The following CDK19 variants were observed in gnomAD, a reference collection of about 807,000 sequenced individuals.
CDK19 encodes cyclin-dependent kinase 19.
A neutral mutation model predicts 68.3 loss-of-function variants in CDK19; 20 were observed. The observed-to-expected ratio is 0.29, with a 90% CI of 0.21 to 0.43. CDK19 has a LOEUF of 0.43. CDK19 is among the 20% of genes least tolerant of loss of function. The pLI, the probability that CDK19 is intolerant of heterozygous loss-of-function variation, is 1.00. For missense variants in CDK19, 339 were observed against 623.5 expected (o/e 0.54, Z 4.86); for synonymous variants, 221 against 222.8 (o/e 0.99, Z 0.07).
intron 1 of CDK19, among the ~76,000 whole-genome samples, chr6:110,754,243 G>C (rs1778681643): frequency 6.6e-6 from 1 of 151,636 alleles, no homozygotes; most frequent in Non-Finnish European, 1.5e-5. Context: ...ATGTTACCCA[G>C]GTTGATCTCA....
intron 2 of CDK19, among the ~76,000 whole-genome samples, chr6:110,714,187 T>C (rs1011328566): frequency 1.1e-4 from 16 of 152,232 alleles, no homozygotes; most frequent in Non-Finnish European, 1.9e-4. Flanking sequence ...CTATACAATA[T>C]ATAGCTCTTG....
intron 1 of CDK19, among the ~76,000 whole-genome samples, chr6:110,764,952 AAAAT>A (rs57218365): frequency 3.5e-4 from 50 of 141,096 alleles, no homozygotes; most frequent in East Asian, 2.3e-3. Flanking sequence ...CTCCATCTCA[AAAAT>A]AAATAAATAA....
chr6:110,808,543 A>G (rs1583150582), intron 1 of CDK19, among the ~76,000 whole-genome samples: 1 of 152,218 alleles, frequency 6.6e-6, no homozygotes, highest in East Asian at 1.9e-4. Context: ...AGTATCTGCC[A>G]GAAAAAGTTT....
At chr6:110,622,573 T>C (rs898742196) in intron 10 of CDK19, among the ~76,000 whole-genome samples, 2 of 152,238 alleles carry the variant, frequency 1.3e-5, no homozygotes, top group African/African-American at 4.8e-5. Flanking sequence ...AGGTCTTATC[T>C]GTTATCAGCT....
At chr6:110,808,885 A>G (rs771529461) in intron 1 of CDK19, among the ~76,000 whole-genome samples, 1 of 152,094 alleles carries the variant, frequency 6.6e-6, no homozygotes, top group Non-Finnish European at 1.5e-5. Context: ...AAATATGCCT[A>G]TTTTCCTTAG....
At chr6:110,769,961 T>C (rs1779893828) in intron 1 of CDK19, among the ~76,000 whole-genome samples, 1 of 151,960 alleles carries the variant, frequency 6.6e-6, no homozygotes, top group Non-Finnish European at 1.5e-5. Flanking sequence ...AAAGAGAAAA[T>C]ATCCTCAAAA....
At chr6:110,650,606 G>A (rs9487475) in intron 4 of CDK19, among the ~76,000 whole-genome samples, 2,113 of 152,276 alleles carry the variant, frequency 0.014, 51 homozygotes, top group African/African-American at 0.048. Context: ...ATTCTTCGGA[G>A]AAAGCCTCTT....
At chr6:110,640,710 G>C (rs1780091313) in intron 4 of CDK19, among the ~76,000 whole-genome samples, 1 of 152,166 alleles carries the variant, frequency 6.6e-6, no homozygotes, top group African/African-American at 2.4e-5. Flanking sequence ...CAGCACTTTG[G>C]GAAGTCGAAG....
chr6:110,658,069 A>G (rs1781412498), intron 4 of CDK19, among the ~76,000 whole-genome samples: 1 of 152,254 alleles, frequency 6.6e-6, no homozygotes, highest in African/African-American at 2.4e-5. Context: ...TTACACATGT[A>G]AGGTGTGTGT....
chr6:110,733,786 A>T (rs1353469218), intron 2 of CDK19, among the ~76,000 whole-genome samples: 1 of 152,078 alleles, frequency 6.6e-6, no homozygotes, highest in Non-Finnish European at 1.5e-5. Flanking sequence ...CCCATATGCA[A>T]CTATTAACTT....
chr6:110,706,565 C>T (rs1379677340), intron 2 of CDK19, among the ~76,000 whole-genome samples: 1 of 151,696 alleles, frequency 6.6e-6, no homozygotes, highest in African/African-American at 2.4e-5. Context: ...CAGGCGCCTG[C>T]CACCACGCCC....
intron 2 of CDK19, among the ~76,000 whole-genome samples, chr6:110,742,852 T>G (rs922790993): frequency 1.3e-5 from 2 of 152,166 alleles, no homozygotes; most frequent in Admixed American, 6.5e-5. Flanking sequence ...TAGACCCTCA[T>G]CAGTAATTCT....
chr6:110,726,722 A>G (rs1562236928), intron 2 of CDK19, among the ~76,000 whole-genome samples: 1 of 152,190 alleles, frequency 6.6e-6, no homozygotes, highest in Non-Finnish European at 1.5e-5. Context: ...AACCTGGCCT[A>G]CAGAGAGCTG....
At chr6:110,747,188 A>G (rs1466754363) in intron 1 of CDK19, among the ~76,000 whole-genome samples, 1 of 151,996 alleles carries the variant, frequency 6.6e-6, no homozygotes, top group African/African-American at 2.4e-5. Context: ...GCTATTCCTC[A>G]TTTTCCCCAT....
chr6:110,689,054 T>G (rs1227992942), intron 2 of CDK19, among the ~76,000 whole-genome samples: 2 of 152,120 alleles, frequency 1.3e-5, no homozygotes, highest in Non-Finnish European at 2.9e-5. Context: ...CTTAGCTCAT[T>G]GCTGCTAGCA....
At chr6:110,800,720 C>T (rs2115110164) in intron 1 of CDK19, among the ~76,000 whole-genome samples, 1 of 152,224 alleles carries the variant, frequency 6.6e-6, no homozygotes, top group Middle Eastern at 3.4e-3. Context: ...TCTCAATTGG[C>T]ACAGAAAAAG....
chr6:110,705,291 C>T (rs1169577659), intron 2 of CDK19, among the ~76,000 whole-genome samples: 1 of 152,138 alleles, frequency 6.6e-6, no homozygotes, highest in Non-Finnish European at 1.5e-5. Context: ...CCACCTGCCT[C>T]GGCCTCCGTA....
chr6:110,655,616 C>T (rs1230519864), intron 4 of CDK19, among the ~76,000 whole-genome samples: 1 of 152,120 alleles, frequency 6.6e-6, no homozygotes, highest in Non-Finnish European at 1.5e-5. Context: ...TTGACGCTCT[C>T]TTTTCTCCCT....
At chr6:110,689,920 AGGAACAT>A (rs1335433148) in intron 2 of CDK19, among the ~76,000 whole-genome samples, 2 of 152,280 alleles carry the variant, frequency 1.3e-5, no homozygotes, top group South Asian at 4.2e-4. Flanking sequence ...ACCATATCAA[AGGAACAT>A]CCCGTGGGAC....
Sources: allele counts gnomAD v4.1 joint callset (sites outside exome capture counted in the v4.1 genomes callset), GRCh38; gene constraint gnomAD v4.1.1; transcripts MANE v1.5; gene names NCBI Gene and HGNC (gene_info 2026-07-23, HGNC 2026-07-21).